TRPM3: variants seen among roughly 807,000 people sequenced by gnomAD.
TRPM3 encodes long transient receptor potential channel 3.
Under a neutral mutation model 181.2 loss-of-function variants are expected in TRPM3, and 77 were observed. That is an observed-to-expected ratio of 0.42 (90% CI 0.35 to 0.51). The LOEUF is 0.51. Ranked by LOEUF, TRPM3 falls within the 20% of genes least tolerant of loss-of-function variation. The pLI, the probability that TRPM3 is intolerant of heterozygous loss-of-function variation, is 0.01. For missense variants in TRPM3, 1,759 were observed against 2,196.7 expected (o/e 0.80, Z 3.98); for synonymous variants, 745 against 796.4 (o/e 0.94, Z 1.09).
At chr9:71,440,534 G>A (rs1378075547) in intron 1 of TRPM3, among the ~76,000 whole-genome samples, 1 of 152,182 alleles carries the variant, frequency 6.6e-6, no homozygotes, top group African/African-American at 2.4e-5. Flanking sequence ...AAATGTCTCA[G>A]AAGCTTTTTC....
In TRPM3 at chr9:70,647,999, A is replaced by G. The variant is rs949903970; in HGVS notation, c.1346-7339T>C. ...ACCTAGCAAACAAGGGAGGTGAAAG[A>G]TCTCTATAGCAAGAATTATAAAACA... On this transcript the variant is annotated intron_variant, in intron 9 of 25. Transcript: ENST00000677713. Among the ~76,000 whole-genome samples the G allele has an allele frequency of 2.0e-5, 3 of 152,220 alleles. No individual in the cohort carries two copies. In the East Asian group the frequency reaches 5.8e-4, roughly 29 times the overall value.
intron 1 of TRPM3, among the ~76,000 whole-genome samples, chr9:70,920,102 T>C (rs1589781501): frequency 6.6e-6 from 1 of 152,354 alleles, no homozygotes; most frequent in East Asian, 1.9e-4. Context: ...TTACTGTAGA[T>C]AATGTTCAGT....
intron 1 of TRPM3, among the ~76,000 whole-genome samples, chr9:71,345,067 G>A (rs1053086303): frequency 2.0e-5 from 3 of 152,106 alleles, no homozygotes; most frequent in East Asian, 1.9e-4. Flanking sequence ...TTTGAATGGC[G>A]ATCATTAAAA....
upstream of TRPM3, among the ~76,000 whole-genome samples, chr9:71,125,372 G>A (rs574608194): frequency 3.2e-4 from 48 of 152,092 alleles, no homozygotes; most frequent in African/African-American, 1.0e-3. Flanking sequence ...ACAGGCCCCC[G>A]TATGTGTTGT....
intron 1 of TRPM3, among the ~76,000 whole-genome samples, chr9:71,237,072 A>G (rs1226325487): frequency 1.4e-5 from 2 of 147,026 alleles, no homozygotes; most frequent in African/African-American, 2.6e-5. Flanking sequence ...GGGGGGGGAA[A>G]AAAAGAAAGG....
chr9:70,813,117 A>G (rs1381962271), intron 6 of TRPM3, among the ~76,000 whole-genome samples: 1 of 152,146 alleles, frequency 6.6e-6, no homozygotes, highest in Admixed American at 6.5e-5. Context: ...TTTTTTTACA[A>G]GTGGCTTTCC....
chr9:71,008,340 G>A (rs1362252468), intron 1 of TRPM3, among the ~76,000 whole-genome samples: 3 of 151,750 alleles, frequency 2.0e-5, no homozygotes, highest in Admixed American at 2.0e-4. Flanking sequence ...AACATTTAAA[G>A]AAGAACTATA....
intron 24 of TRPM3, among the ~76,000 whole-genome samples, chr9:70,550,383 T>C (rs1470476803): frequency 6.6e-6 from 1 of 152,210 alleles, no homozygotes; most frequent in Non-Finnish European, 1.5e-5. Context: ...AAGGAATAGC[T>C]GAGCCTAAAA....
rs1434525972 is a variant in TRPM3, at chr9:70,598,611, GTACTCCTGCAGCCA to G, written c.2842_2855del (p.Trp948LeufsTer28). ...TGGCGATGAGGTCCGTGACATTCCA[GTACTCCTGCAGCCA>G]TACCTTCACTTTCTGTAGCAACTTC... On this transcript the variant is annotated frameshift_variant, in exon 21 of 26. Transcript: ENST00000677713. LOFTEE classifies it high-confidence loss of function. The G allele has an allele frequency of 1.2e-6, 2 of 1,614,198 alleles. No homozygotes were observed. Among genetic ancestry groups the G allele is most frequent in the Non-Finnish European group, 1.7e-6 (2 of 1,180,036 alleles).
chr9:70,855,639 C>A (rs577025247), intron 3 of TRPM3, among the ~76,000 whole-genome samples: 1 of 152,180 alleles, frequency 6.6e-6, no homozygotes, highest in Admixed American at 6.5e-5. Context: ...TTCTTCCAAG[C>A]CTCTAGTGGA....
chr9:70,854,896 A>T (rs929622663), intron 3 of TRPM3, among the ~76,000 whole-genome samples: 3 of 152,214 alleles, frequency 2.0e-5, no homozygotes, highest in Admixed American at 2.0e-4. Flanking sequence ...AGGCCAGTAC[A>T]TCAGCATGAT....
chr9:71,088,689 A>G (rs2065688358), intron 1 of TRPM3, among the ~76,000 whole-genome samples: 1 of 152,060 alleles, frequency 6.6e-6, no homozygotes, highest in Non-Finnish European at 1.5e-5. Context: ...CCTCATTTTT[A>G]TCTAGTTCAA....
At chr9:71,386,147 G>C (rs115305279) in intron 1 of TRPM3, among the ~76,000 whole-genome samples, 32 of 152,024 alleles carry the variant, frequency 2.1e-4, no homozygotes, top group African/African-American at 7.2e-4. Flanking sequence ...GTGGTGGGCT[G>C]TTCCTTAAAA....
At chr9:71,423,447 TA>T (rs1183368072) in intron 1 of TRPM3, among the ~76,000 whole-genome samples, 1 of 152,068 alleles carries the variant, frequency 6.6e-6, no homozygotes, top group Non-Finnish European at 1.5e-5. Flanking sequence ...ATTTTCTGAG[TA>T]ACCATTCCTT....
At chr9:71,026,423 G>C (rs952103161) in intron 1 of TRPM3, among the ~76,000 whole-genome samples, 11 of 152,100 alleles carry the variant, frequency 7.2e-5, no homozygotes, top group African/African-American at 2.7e-4. Context: ...GAGCAGCCCC[G>C]ATGAACACGC....
chr9:70,694,528 T>C (rs929052443), intron 8 of TRPM3, among the ~76,000 whole-genome samples: 1 of 152,206 alleles, frequency 6.6e-6, no homozygotes, highest in South Asian at 2.1e-4. Context: ...TCACCCAGGC[T>C]GGAGCACAGT....
At chr9:71,023,392 A>G (rs763172256) in intron 1 of TRPM3, among the ~76,000 whole-genome samples, 5 of 152,210 alleles carry the variant, frequency 3.3e-5, no homozygotes, top group African/African-American at 1.2e-4. Context: ...TGGGAATATA[A>G]AAGTGCATAG....
At chr9:70,757,154 C>T (rs1206520146) in intron 8 of TRPM3, among the ~76,000 whole-genome samples, 1 of 152,154 alleles carries the variant, frequency 6.6e-6, no homozygotes, top group Non-Finnish European at 1.5e-5. Flanking sequence ...AAGGGGATAT[C>T]ACCACTGATC....
At chr9:70,659,228 A>G (rs2060780733) in intron 9 of TRPM3, among the ~76,000 whole-genome samples, 1 of 152,122 alleles carries the variant, frequency 6.6e-6, no homozygotes, top group African/African-American at 2.4e-5. Context: ...AACTTGACTT[A>G]TGGAGCCAAT....
Sources: gnomAD v4.1 joint callset for allele counts (sites outside exome capture counted in the v4.1 genomes callset) on GRCh38, gnomAD v4.1.1 for gene constraint, MANE v1.5 for transcripts, NCBI Gene and HGNC (gene_info 2026-07-23, HGNC 2026-07-21) for gene names.